TTC19: variants seen among roughly 807,000 people sequenced by gnomAD.
The protein encoded by TTC19 is tetratricopeptide repeat protein 19, mitochondrial.
Under a neutral mutation model 49.5 loss-of-function variants are expected in TTC19, and 38 were observed. That is an observed-to-expected ratio of 0.77 (90% CI 0.59 to 1.01). TTC19 has a LOEUF of 1.01. Among genes scored for constraint, TTC19 ranks in the 50% least tolerant of loss-of-function variants. The pLI, the probability that TTC19 is intolerant of heterozygous loss-of-function variation, is 0.00. For missense variants in TTC19, 475 were observed against 477.7 expected, an observed-to-expected ratio of 0.99 and a Z score of 0.05; for synonymous variants, 204 against 185.2, an observed-to-expected ratio of 1.10 and a Z score of -0.83.
rs532992559 is a variant in TTC19 at position 16,002,764 on chromosome 17, C to G, written c.424-29C>G. On this transcript the variant is annotated intron_variant, in intron 3 of 9. Coordinates refer to ENST00000261647, the MANE Select transcript of TTC19 (RefSeq NM_017775.4). ...ATAAGTAGGAACACAGTATTCTAAA[C>G]TGAAAAACAATTTGTAATTTGCTTT... 7 of 1,611,918 alleles carry G rather than the reference C, an allele frequency of 4.3e-6. No homozygotes were observed. The Admixed American group carries it at 6.7e-5, about 15-fold the overall frequency.
intron 7 of TTC19, among the ~76,000 whole-genome samples, chr17:16,016,259 T>C (rs750035231): frequency 2.0e-5 from 3 of 152,200 alleles, no homozygotes; most frequent in Non-Finnish European, 4.4e-5. Context: ...TTTGACCCTT[T>C]GGATATTTAG....
chr17:16,035,005 C>G, intron 2 of TTC19: 1 of 1,498,458 alleles, frequency 6.7e-7, no homozygotes, highest in Non-Finnish European at 9.2e-7. Flanking sequence ...TACCAAAATG[C>G]TAATGATTAT....
In TTC19 at chr17:16,039,460, CTCT is replaced by C. The variant is rs772266619; in HGVS notation, c.248-5040_248-5038del. On this transcript the variant is annotated intron_variant, in intron 2 of 2. Coordinates refer to the TTC19 transcript ENST00000470649. ...GAATGAGGTGATGGGTCCCCTTCCT[CTCT>C]TCGTGTCTCACCACTGGTCACAACT... is the stretch of plus-strand genomic sequence containing the variant. 26 of 1,614,076 alleles carry C rather than the reference CTCT, an allele frequency of 1.6e-5. No individual in the cohort carries two copies. The East Asian group carries it at 3.3e-4, about 21-fold the overall frequency.
At chr17:16,031,792 G>A (rs1042393271), downstream of TTC19, 7 of 230,852 alleles carry the variant, frequency 3.0e-5, no homozygotes, top group East Asian at 6.2e-5. Context: ...TACAATGCCC[G>A]TGACAGCCAA....
intron 7 of TTC19, among the ~76,000 whole-genome samples, chr17:16,010,506 G>A (rs184666310): frequency 4.4e-5 from 6 of 137,268 alleles, no homozygotes. Flanking sequence ...ACAGAGTCCC[G>A]CTCTGTCGCC....
intron 7 of TTC19, among the ~76,000 whole-genome samples, chr17:16,016,709 C>G (rs186156156): frequency 6.6e-6 from 1 of 152,078 alleles, no homozygotes; most frequent in African/African-American, 2.4e-5. Context: ...AGGTGTGCAC[C>G]ACTGCATCTG....
downstream of TTC19, among the ~76,000 whole-genome samples, chr17:16,033,652 G>GTTTTA (rs10646922): frequency 0.58 from 87,434 of 151,474 alleles, 25,791 homozygotes; most frequent in African/African-American, 0.66. Flanking sequence ...TAATATCCCA[G>GTTTTA]TTTTAAAAGT....
Position 15,999,997 on chromosome 17 carries a change from A to T in TTC19, c.149A>T (p.His50Leu). 4 of 1,262,212 alleles carry T rather than the reference A, an allele frequency of 3.2e-6. No individual in the cohort carries two copies. Among genetic ancestry groups the T allele is most frequent in the Non-Finnish European group, 4.0e-6 (4 of 1,005,972 alleles). 78.2% of individuals were successfully genotyped at this position (1,262,212 alleles called of 1,614,324 possible). A position where few individuals can be genotyped will look rare whatever the true frequency, so the allele number is the denominator to read the frequency against. Residue 50 changes from histidine (H) to leucine (L), a missense_variant, in exon 1 of 10, where the codon CAC becomes CTC. Coordinates refer to ENST00000261647, the MANE Select transcript of TTC19 (RefSeq NM_017775.4). ...VQVPPSRVAP[H>L]GRGPGLLPLL... is the part of the protein sequence containing the mutation. ...GTGCCGCCATCCCGAGTCGCGCCGC[A>T]CGGCCGGGGCCCAGGCCTGCTGCCG... is the stretch of plus-strand genomic sequence containing the variant.
intron 7 of TTC19, among the ~76,000 whole-genome samples, chr17:16,008,933 TTG>T (rs1970989450): frequency 6.6e-6 from 1 of 152,162 alleles, no homozygotes; most frequent in Non-Finnish European, 1.5e-5. Context: ...TGTTGTGTGC[TTG>T]TGTTTCTCCA....
At chr17:16,044,168 CA>C (rs34691717) in intron 2 of TTC19, among the ~76,000 whole-genome samples, 4,226 of 82,720 alleles carry the variant, frequency 0.051, 145 homozygotes, top group African/African-American at 0.18. Context: ...GACTCCATCT[CA>C]AAAAAAAAAA....
chr17:16,044,698 T>G, exon 3 of TTC19: 2 of 692,738 alleles, frequency 2.9e-6, no homozygotes, highest in African/African-American at 1.8e-5. Flanking sequence ...TCACGGAGGA[T>G]AAGATCAATG....
At chr17:16,032,244 AC>A (rs1031683100), downstream of TTC19, 16 of 1,492,940 alleles carry the variant, frequency 1.1e-5, no homozygotes, top group African/African-American at 2.3e-4. Flanking sequence ...AAATTAAACC[AC>A]AAAAACTAGA....
In TTC19 at chr17:16,004,270, C is replaced by T. The variant is rs764742334; in HGVS notation, c.581+8C>T. ...CTATGCTGCGCAGAACAGGTAAGTA[C>T]AGCAGCCAGGGAGTAGGACTGTGGG... On this transcript the variant is annotated splice_region_variant and intron_variant, in intron 6 of 9. Transcript: ENST00000261647. The T allele has an allele frequency of 1.2e-6, 2 of 1,613,592 alleles. No individual in the cohort carries two copies. The highest frequency in any genetic ancestry group is 1.7e-6 in the Non-Finnish European group (2 of 1,179,478).
In TTC19 at chr17:16,003,422, C is replaced by CTTATTTATTTAT. The variant is rs149202647; in HGVS notation, c.463-387_463-376dup. On this transcript the variant is annotated intron_variant, in intron 4 of 9. Coordinates refer to ENST00000261647, the MANE Select transcript of TTC19 (RefSeq NM_017775.4). ...TGTGCCACAACACTTGGCTAATTTTCTTATTTATTTATTTATTTATTTATT... is the reference window on the plus strand; with the variant it reads ...TGTGCCACAACACTTGGCTAATTTTCTTATTTATTTATTTATTTATTTATTTATTTATTTATT... 2.2e-3 allele frequency among the ~76,000 whole-genome samples: 325 copies of CTTATTTATTTAT among 148,706 alleles called. 1 individual carries two copies. The highest frequency in any genetic ancestry group is 7.4e-3 in the African/African-American group (299 of 40,304).
intron 7 of TTC19, among the ~76,000 whole-genome samples, chr17:16,011,194 T>C (rs1052153525): frequency 5.9e-5 from 9 of 152,346 alleles, no homozygotes; most frequent in African/African-American, 2.2e-4. Context: ...GTTTTTGTTT[T>C]TGTTGAGACG....
chr17:16,022,203 A>G (rs1971406303), intron 7 of TTC19, among the ~76,000 whole-genome samples: 2 of 152,202 alleles, frequency 1.3e-5, no homozygotes, highest in African/African-American at 4.8e-5. Context: ...AAGCTACAAC[A>G]AAAACCGGGC....
rs1056600951 is a variant in TTC19, at chr17:16,025,081, T to C, written c.741T>C (p.Leu247=). 1 of 1,613,904 alleles carries C rather than the reference T, an allele frequency of 6.2e-7. No homozygotes were observed. Among genetic ancestry groups the C allele is most frequent in the South Asian group, 1.1e-5 (1 of 91,074 alleles). The change falls in exon 8 of 10, where the codon CTT becomes CTC. Residue 247 remains leucine (L), a synonymous_variant. Coordinates refer to ENST00000261647, the MANE Select transcript of TTC19 (RefSeq NM_017775.4). ...GMCLDACARY[L]LFSKQPSQAQ... ...GCTTAGACGCCTGTGCTCGCTACCT[T>C]CTGTTCTCCAAGCAGCCGTCACAGG... is the stretch of plus-strand genomic sequence containing the variant.
At chr17:16,033,538 TA>T (rs1972963211), downstream of TTC19, among the ~76,000 whole-genome samples, 3 of 152,116 alleles carry the variant, frequency 2.0e-5, no homozygotes, top group Admixed American at 6.5e-5. Flanking sequence ...ATAATTTACA[TA>T]TATCTTACAG....
chr17:16,000,572 C>A, intron 2 of TTC19: 1 of 437,468 alleles, frequency 2.3e-6, no homozygotes, highest in South Asian at 3.6e-5. Flanking sequence ...GACATAATTT[C>A]GCACGTATAT....
Sources: gnomAD v4.1 joint callset for allele counts (sites outside exome capture counted in the v4.1 genomes callset) on GRCh38, gnomAD v4.1.1 for gene constraint, MANE v1.5 for transcripts, NCBI Gene and HGNC (gene_info 2026-07-23, HGNC 2026-07-21) for gene names.